VEZT: variants seen among roughly 807,000 people sequenced by gnomAD.
VEZT encodes the protein vezatin, adherens junctions transmembrane protein.
In VEZT, 39 loss-of-function variants were observed where a neutral mutation model predicts 79.9. The observed-to-expected ratio is 0.49, with a 90% CI of 0.38 to 0.64. The LOEUF is 0.64. Ranked by LOEUF, VEZT falls within the 30% of genes least tolerant of loss-of-function variation. VEZT has a pLI of 0.00. For missense variants in VEZT, 837 were observed against 893.1 expected (o/e 0.94, Z 0.80); for synonymous variants, 325 against 327.6 (o/e 0.99, Z 0.09).
intron 4 of VEZT, among the ~76,000 whole-genome samples, chr12:95,265,923 T>C (rs1243192972): frequency 6.6e-6 from 1 of 152,300 alleles, no homozygotes; most frequent in East Asian, 1.9e-4. Context: ...CTGAAGGATT[T>C]TGTAGACTGA....
intron 1 of VEZT, among the ~76,000 whole-genome samples, chr12:95,235,114 C>G (rs1365559725): frequency 2.6e-5 from 4 of 152,084 alleles, no homozygotes; most frequent in Admixed American, 1.3e-4. Context: ...ACCTTTCCCC[C>G]CTTTCTATTC....
chr12:95,291,029 C>A (rs2072644188), intron 9 of VEZT, among the ~76,000 whole-genome samples: 1 of 151,994 alleles, frequency 6.6e-6, no homozygotes, highest in Non-Finnish European at 1.5e-5. Context: ...CTTTGGGAGC[C>A]CAAGGAGGGA....
intron 6 of VEZT, 111 bp downstream of exon 6, chr12:95,270,299 G>A (rs1360200317): frequency 2.7e-6 from 3 of 1,128,142 alleles, no homozygotes; most frequent in Middle Eastern, 2.2e-4. Context: ...TGCCTATTTT[G>A]AAGCTAATTT....
intron 1 of VEZT, among the ~76,000 whole-genome samples, chr12:95,250,154 T>G (rs951732574): frequency 6.6e-6 from 1 of 150,564 alleles, no homozygotes; most frequent in Admixed American, 6.6e-5. Context: ...CATGCTGGTG[T>G]GCTGCACCCA....
rs571816353 is a variant in VEZT, at chr12:95,269,855, C to CAT, written c.711-183_711-182dup. Reference sequence around the variant, plus strand: ...TTTTTTTAGTGGTTGTCTATATATACATATATATATATATCTAGTCACAGA... The same window carrying CAT: ...TTTTTTTAGTGGTTGTCTATATATACATATATATATATATATCTAGTCACAGA... On this transcript the variant is annotated intron_variant, in intron 5 of 11. Coordinates refer to ENST00000436874, the MANE Select transcript of VEZT (RefSeq NM_017599.4). 3.2e-3 allele frequency: 1,508 copies of CAT among 469,526 alleles called. 1 individual carries two copies. The highest frequency in any genetic ancestry group is 5.3e-3 in the African/African-American group (258 of 48,612). The allele number at this position is 469,526 out of a possible 1,614,324, so 29.1% of individuals were successfully genotyped here.
intron 7 of VEZT, among the ~76,000 whole-genome samples, chr12:95,278,886 T>C (rs1244981325): frequency 6.6e-6 from 1 of 152,150 alleles, no homozygotes. Flanking sequence ...CTGACCAACA[T>C]GGAGATACCC....
chr12:95,256,159 C>G (rs549705661), intron 2 of VEZT, among the ~76,000 whole-genome samples: 1 of 152,090 alleles, frequency 6.6e-6, no homozygotes, highest in South Asian at 2.1e-4. Flanking sequence ...TCAAGTGATT[C>G]GCCTGCCTCA....
At chr12:95,252,193 A>G (rs1218154920) in intron 2 of VEZT, 122 bp downstream of exon 2, 5 of 1,080,868 alleles carry the variant, frequency 4.6e-6, no homozygotes, top group African/African-American at 1.6e-5. Context: ...TATTTCATCA[A>G]TAGTACAAAA....
chr12:95,271,844 T>C (rs1287978464), intron 6 of VEZT, among the ~76,000 whole-genome samples: 8 of 152,144 alleles, frequency 5.3e-5, no homozygotes, highest in Non-Finnish European at 1.2e-4. Flanking sequence ...ATAGACAAGA[T>C]CCTTATTCTC....
At chr12:95,246,445 G>T (rs1483691075) in intron 1 of VEZT, among the ~76,000 whole-genome samples, 1 of 152,224 alleles carries the variant, frequency 6.6e-6, no homozygotes, top group Non-Finnish European at 1.5e-5. Context: ...TTTATGTGGG[G>T]CCTGCAGGGA....
chr12:95,252,953 A>G (rs2062854410), intron 2 of VEZT, among the ~76,000 whole-genome samples: 1 of 152,028 alleles, frequency 6.6e-6, no homozygotes, highest in Non-Finnish European at 1.5e-5. Flanking sequence ...CAACAAGAGC[A>G]AAACTGTGTC....
At chr12:95,248,412 C>T (rs1566079062) in intron 1 of VEZT, among the ~76,000 whole-genome samples, 1 of 152,138 alleles carries the variant, frequency 6.6e-6, no homozygotes, top group Non-Finnish European at 1.5e-5. Flanking sequence ...ATGCCCTCAG[C>T]TTATATACAG....
chr12:95,259,189 C>G (rs373065495), intron 3 of VEZT, among the ~76,000 whole-genome samples: 1 of 103,542 alleles, frequency 9.7e-6, no homozygotes, highest in African/African-American at 4.0e-5. Context: ...GGAATACTTT[C>G]TGTTTTTTTT....
chr12:95,255,014 G>A (rs1354253065), intron 2 of VEZT, among the ~76,000 whole-genome samples: 1 of 151,858 alleles, frequency 6.6e-6, no homozygotes, highest in Non-Finnish European at 1.5e-5. Flanking sequence ...CTTCTCTGGG[G>A]ATCTCATCTA....
intron 1 of VEZT, among the ~76,000 whole-genome samples, chr12:95,233,649 A>C (rs2059590168): frequency 6.6e-6 from 1 of 151,602 alleles, no homozygotes; most frequent in Admixed American, 6.6e-5. Flanking sequence ...TGATCCCCCC[A>C]CCTCGGCCTC....
At position 95,218,036 on chromosome 12, in the gene VEZT, A is replaced by G. The variant is rs893258020; in HGVS notation, c.36+150A>G. 24 of 705,948 alleles carry G rather than the reference A, an allele frequency of 3.4e-5. No homozygotes were observed. The African/African-American group carries it at 4.1e-4, about 12-fold the overall frequency. The allele number at this position is 705,948 out of a possible 1,614,324, so 43.7% of individuals were successfully genotyped here. ...GAACCCCAGCGATTTCAGGGCCTAGAGTCCGTCGTCGCCTGACAGGTGTAG... is the reference window on the plus strand; with the variant it reads ...GAACCCCAGCGATTTCAGGGCCTAGGGTCCGTCGTCGCCTGACAGGTGTAG... On this transcript the variant is annotated intron_variant, in intron 1 of 11. Coordinates refer to ENST00000436874, the MANE Select transcript of VEZT (RefSeq NM_017599.4).
rs1158307453 is a variant in VEZT at position 95,301,383 on chromosome 12, G to A, written c.*710G>A. On this transcript the variant is annotated 3_prime_UTR_variant, in exon 12 of 12. Coordinates refer to ENST00000436874, the MANE Select transcript of VEZT (RefSeq NM_017599.4). ...GTGATGATGTCAAAGTGGGATTTCT[G>A]TACTCCAAGGCCCCACCCCCAATTT... 1 of 152,044 alleles carries A rather than the reference G, an allele frequency of 6.6e-6. No individual in the cohort carries two copies. The highest frequency in any genetic ancestry group is 1.5e-5 in the Non-Finnish European group (1 of 68,008). The allele number at this position is 152,044 out of a possible 1,614,324, so 9.4% of individuals were successfully genotyped here.
chr12:95,275,170 G>A (rs556986559), intron 7 of VEZT, among the ~76,000 whole-genome samples: 1 of 152,152 alleles, frequency 6.6e-6, no homozygotes, highest in African/African-American at 2.4e-5. Context: ...TTAATTGGAG[G>A]CCAACGTGAG....
At chr12:95,293,172 A>T (rs1219781278) in intron 9 of VEZT, among the ~76,000 whole-genome samples, 1 of 152,150 alleles carries the variant, frequency 6.6e-6, no homozygotes, top group East Asian at 1.9e-4. Context: ...TTTAAACTAG[A>T]AAGCAGCAAG....
Sources: allele counts gnomAD v4.1 joint callset (sites outside exome capture counted in the v4.1 genomes callset), GRCh38; gene constraint gnomAD v4.1.1; transcripts MANE v1.5; gene names NCBI Gene and HGNC (gene_info 2026-07-23, HGNC 2026-07-21).